The following PPP4R2 variants were observed in gnomAD, a reference collection of about 807,000 sequenced individuals.
The protein encoded by PPP4R2 is serine/threonine-protein phosphatase 4 regulatory subunit 2.
PPP4R2 carries 13 observed loss-of-function variants against 47.2 expected under a neutral mutation model. The observed-to-expected ratio is 0.28, with a 90% CI of 0.18 to 0.44. The LOEUF (loss-of-function observed/expected upper bound fraction) is 0.44. Ranked by LOEUF, PPP4R2 falls within the 20% of genes least tolerant of loss-of-function variation. The probability of loss-of-function intolerance (pLI) is 1.00; values close to 1 mark genes in which losing one functional copy is unlikely to be tolerated. For missense variants in PPP4R2, 421 were observed against 491.2 expected (o/e 0.86, Z 1.35); for synonymous variants, 151 against 163.3 (o/e 0.92, Z 0.57).
chr3:73,046,559 A>G (rs964999765), intron 2 of PPP4R2, among the ~76,000 whole-genome samples: 2 of 152,140 alleles, frequency 1.3e-5, no homozygotes, highest in Non-Finnish European at 2.9e-5. Flanking sequence ...TGATAAATGA[A>G]TAGATGTGAA....
At chr3:73,040,915 A>C (rs570176052) in intron 2 of PPP4R2, among the ~76,000 whole-genome samples, 18 of 152,294 alleles carry the variant, frequency 1.2e-4, no homozygotes, top group Non-Finnish European at 2.4e-4. Flanking sequence ...AAATACCCGT[A>C]GTGAGTAAGG....
chr3:73,002,629 CTTTTCTTTTTT>C (rs1301337742), intron 2 of PPP4R2, among the ~76,000 whole-genome samples: 15 of 83,002 alleles, frequency 1.8e-4, no homozygotes, highest in South Asian at 6.8e-4. Context: ...CTTTTCTTTT[CTTTTCTTTTTT>C]TTTTTTTTTT....
At chr3:73,044,447 G>A (rs994937046) in intron 2 of PPP4R2, among the ~76,000 whole-genome samples, 6 of 152,106 alleles carry the variant, frequency 3.9e-5, no homozygotes, top group Admixed American at 6.5e-5. Flanking sequence ...TTAGCTGGAC[G>A]TAGTGGTAGG....
At chr3:73,032,165 G>A (rs1229372203) in intron 2 of PPP4R2, among the ~76,000 whole-genome samples, 2 of 151,940 alleles carry the variant, frequency 1.3e-5, no homozygotes, top group Non-Finnish European at 2.9e-5. Context: ...TTATTAATAC[G>A]ATAAAGGTCA....
chr3:73,013,644 T>C (rs1425075589), intron 2 of PPP4R2, among the ~76,000 whole-genome samples: 1 of 113,766 alleles, frequency 8.8e-6, no homozygotes, highest in Non-Finnish European at 1.8e-5. Context: ...TTTTTTCTTT[T>C]TCTTTTTTTT....
In PPP4R2 at chr3:73,063,756, C is replaced by G; in HGVS notation, c.494+9C>G. 1.3e-6 allele frequency: 2 copies of G among 1,510,110 alleles called. No homozygotes were observed. Among genetic ancestry groups the G allele is most frequent in the Non-Finnish European group, 1.8e-6 (2 of 1,104,766 alleles). 93.5% of individuals were successfully genotyped at this position (1,510,110 alleles called of 1,614,324 possible). A position where few individuals can be genotyped will look rare whatever the true frequency, so the allele number is the denominator to read the frequency against. ...CCAAGCTATACTGAGAGGTGAGATT[C>G]TAGATTTTTAATACCTACAGAGTTT... On this transcript the variant is annotated intron_variant, in intron 6 of 8. Transcript: ENST00000356692.
In PPP4R2 at chr3:73,066,299, A is replaced by G. The variant is rs1211299252; in HGVS notation, c.*577A>G. On this transcript the variant is annotated 3_prime_UTR_variant, in exon 9 of 9. Transcript: ENST00000356692. ...GGAAATGTTATATTTTTCTGTTTCT[A>G]TAAGAGATGAATACAGTGGATACTT... The G allele has an allele frequency of 3.4e-5, 5 of 148,990 alleles. No individual in the cohort carries two copies. The highest frequency in any genetic ancestry group is 7.4e-5 in the Non-Finnish European group (5 of 67,322). 9.2% of individuals were successfully genotyped at this position (148,990 alleles called of 1,614,324 possible). A position where few individuals can be genotyped will look rare whatever the true frequency, so the allele number is the denominator to read the frequency against.
In PPP4R2 at chr3:73,059,070, G is replaced by A. The variant is rs1191284098; in HGVS notation, c.321G>A (p.Leu107=). The A allele has an allele frequency of 6.3e-7, 1 of 1,595,828 alleles. No individual in the cohort carries two copies. The highest frequency in any genetic ancestry group is 8.5e-7 in the Non-Finnish European group (1 of 1,170,216). Residue 107 remains leucine, a synonymous_variant, in exon 4 of 9, where the codon TTG becomes TTA. Coordinates refer to ENST00000356692, the MANE Select transcript of PPP4R2 (RefSeq NM_174907.4). ...IPFTIQRLCE[L]LTDPRRNYTG... Reference sequence around the variant, plus strand: ...TTACTATTCAGCGACTATGTGAATTGTTAACAGATCCAAGGAGAAACTATA... The same window carrying A: ...TTACTATTCAGCGACTATGTGAATTATTAACAGATCCAAGGAGAAACTATA...
Position 73,065,645 on chromosome 3 carries a change from G to A in PPP4R2, c.1177G>A (p.Glu393Lys). ...LVGSNSSKTG[E>K]ILSESSMEND... ...AGGATCCAATTCCAGTAAAACTGGA[G>A]AGATTCTTTCAGAATCATCCATGGA... The change falls in exon 9 of 9, where the codon GAG becomes AAG. Residue 393 changes from glutamate (E) to lysine (K), a missense_variant. By Grantham distance (56) the Glu-to-Lys change is moderately conservative (BLOSUM62 1). This residue lies in a region of PPP4R2 where 317 missense variants were observed against 287.5 expected (regional missense o/e 1.10). Coordinates refer to ENST00000356692, the MANE Select transcript of PPP4R2 (RefSeq NM_174907.4). 1 of 1,611,802 alleles carries A rather than the reference G, an allele frequency of 6.2e-7. No homozygotes were observed. The highest frequency in any genetic ancestry group is 8.5e-7 in the Non-Finnish European group (1 of 1,177,984).
rs535507370 is a variant in PPP4R2 at position 72,996,913 on chromosome 3, C to A, written c.-125C>A. 142 of 603,888 alleles carry A rather than the reference C, an allele frequency of 2.4e-4. No individual in the cohort carries two copies. Among genetic ancestry groups the A allele is most frequent in the Non-Finnish European group, 3.2e-4 (125 of 396,700 alleles). 37.4% of individuals were successfully genotyped at this position (603,888 alleles called of 1,614,324 possible). A position where few individuals can be genotyped will look rare whatever the true frequency, so the allele number is the denominator to read the frequency against. ...CCCCGGCTCCCTTCGTTTCCCCCCC[C>A]CGGTCGCCTGCGTGCCGGAGTGTGT... On this transcript the variant is annotated 5_prime_UTR_variant, in exon 1 of 9. Transcript: ENST00000356692.
chr3:73,040,020 C>G (rs1702343993), intron 2 of PPP4R2, among the ~76,000 whole-genome samples: 3 of 152,134 alleles, frequency 2.0e-5, no homozygotes, highest in Admixed American at 6.6e-5. Flanking sequence ...CCATTGCACT[C>G]CAGCCTGGGC....
chr3:73,048,447 G>C (rs952955704), intron 3 of PPP4R2, among the ~76,000 whole-genome samples: 1 of 151,684 alleles, frequency 6.6e-6, no homozygotes, highest in Non-Finnish European at 1.5e-5. Context: ...ATAGAGATGG[G>C]GTTTCACCAT....
intron 2 of PPP4R2, among the ~76,000 whole-genome samples, chr3:73,002,628 T>TCTTTG (rs1701496011): frequency 9.9e-6 from 1 of 100,990 alleles, no homozygotes; most frequent in South Asian, 3.9e-4. Context: ...TCTTTTCTTT[T>TCTTTG]CTTTTCTTTT....
At chr3:73,020,660 A>T (rs958941376) in intron 2 of PPP4R2, among the ~76,000 whole-genome samples, 1 of 124,198 alleles carries the variant, frequency 8.1e-6, no homozygotes, top group African/African-American at 3.3e-5. Context: ...ACAGAGTGAG[A>T]CCCTGTCTCT....
intron 2 of PPP4R2, among the ~76,000 whole-genome samples, chr3:73,039,597 C>T (rs1260619612): frequency 6.6e-6 from 1 of 152,182 alleles, no homozygotes; most frequent in African/African-American, 2.4e-5. Flanking sequence ...CAATTTTTGA[C>T]TCCCAAGGAA....
intron 3 of PPP4R2, among the ~76,000 whole-genome samples, chr3:73,056,767 T>A (rs1702739349): frequency 1.3e-5 from 2 of 152,214 alleles, no homozygotes; most frequent in Admixed American, 1.3e-4. Flanking sequence ...GGCTACAATT[T>A]AACTTACATT....
At position 72,997,046 on chromosome 3, in the gene PPP4R2, C is replaced by T. The variant is rs201511440; in HGVS notation, c.9C>T (p.Val3=). ...AGGGACTCCGGGAAGCCATGGACGT[C>T]GAGAGGCTCCAGGAGGCGCTGAAAG... The part of the protein sequence containing the change: MD[V]ERLQEALKDF... The change falls in exon 1 of 9, where the codon GTC becomes GTT. Residue 3 remains valine, a synonymous_variant. Coordinates refer to ENST00000356692, the MANE Select transcript of PPP4R2 (RefSeq NM_174907.4). The T allele has an allele frequency of 2.1e-6, 3 of 1,406,996 alleles. No homozygotes were observed. Among genetic ancestry groups the T allele is most frequent in the South Asian group, 1.5e-5 (1 of 64,860 alleles). The allele number at this position is 1,406,996 out of a possible 1,614,324, so 87.2% of individuals were successfully genotyped here. A position where few individuals can be genotyped will look rare whatever the true frequency, so the allele number is the denominator to read the frequency against.
intron 2 of PPP4R2, among the ~76,000 whole-genome samples, chr3:73,001,721 C>A (rs902639378): frequency 6.6e-6 from 1 of 152,054 alleles, no homozygotes; most frequent in South Asian, 2.1e-4. Context: ...TCACTTCATC[C>A]CCCACCTCCT....
Position 73,062,722 on chromosome 3 carries a change from C to T in PPP4R2, c.420-951C>T. Reference sequence around the variant, plus strand: ...CTCCAAGTTCAGAGACGATTCAAGGCAATGATGGCATCTATTGGAAGACTT... The same window carrying T: ...CTCCAAGTTCAGAGACGATTCAAGGTAATGATGGCATCTATTGGAAGACTT... On this transcript the variant is annotated intron_variant, in intron 5 of 8. Coordinates refer to ENST00000356692, the MANE Select transcript of PPP4R2 (RefSeq NM_174907.4). 6.2e-7 allele frequency: 1 copy of T among 1,613,980 alleles called. No homozygotes were observed. Among genetic ancestry groups the T allele is most frequent in the Non-Finnish European group, 8.5e-7 (1 of 1,179,884 alleles).
Sources: gnomAD v4.1 joint callset for allele counts (sites outside exome capture counted in the v4.1 genomes callset) on GRCh38, gnomAD v4.1.1 for gene constraint, gnomAD v4.1.1 regional missense constraint, MANE v1.5 for transcripts, NCBI Gene and HGNC (gene_info 2026-07-23, HGNC 2026-07-21) for gene names.